The following ADGRF3 variants were observed in gnomAD, a reference collection of about 807,000 sequenced individuals.
ADGRF3 encodes adhesion G protein-coupled receptor F3, also known as G protein-coupled receptor 113.
A neutral mutation model predicts 93.2 loss-of-function variants in ADGRF3; 85 were observed. The ratio of observed to expected loss-of-function variants is 0.91; its 90% CI spans 0.77 to 1.09. ADGRF3 has a LOEUF of 1.09. ADGRF3 is among the 50% of genes least tolerant of loss of function. The probability of loss-of-function intolerance (pLI) is 0.00; values close to 1 mark genes in which losing one functional copy is unlikely to be tolerated. For synonymous variants in ADGRF3, 534 were observed against 532.5 expected (o/e 1.00, Z -0.04); for missense variants, 1,125 against 1,246.2 (o/e 0.90, Z 1.46).
intron 5 of ADGRF3, among the ~76,000 whole-genome samples, chr2:26,315,267 CA>C (rs1674548035): frequency 6.6e-6 from 1 of 152,184 alleles, no homozygotes; most frequent in South Asian, 2.1e-4. Context: ...AGTCCCAGAC[CA>C]CAGTGAAAAC....
At chr2:26,339,736 C>T (rs1452316291) in intron 1 of ADGRF3, among the ~76,000 whole-genome samples, 2 of 152,074 alleles carry the variant, frequency 1.3e-5, no homozygotes, top group Admixed American at 6.6e-5. Flanking sequence ...GTTCCGGGGG[C>T]TAATCTTGAG....
intron 1 of ADGRF3, among the ~76,000 whole-genome samples, chr2:26,336,081 T>A (rs1676017798): frequency 6.6e-6 from 1 of 152,166 alleles, no homozygotes; most frequent in South Asian, 2.1e-4. Flanking sequence ...AATAGATAAT[T>A]TCCTAACATA....
chr2:26,339,361 G>A (rs1325945139), intron 1 of ADGRF3, among the ~76,000 whole-genome samples: 1 of 151,758 alleles, frequency 6.6e-6, no homozygotes, highest in Non-Finnish European at 1.5e-5. Context: ...AGCTGGGCGT[G>A]GTGGCGCATC....
rs1388899723 is a variant in ADGRF3, at chr2:26,341,939, G to A, written c.114+4182C>T. Among the ~76,000 whole-genome samples the A allele has an allele frequency of 2.6e-5, 4 of 152,018 alleles. No individual in the cohort carries two copies. In the East Asian group the frequency reaches 7.7e-4, roughly 29 times the overall value. ...ATACAAAAAATTAGCCGGGCATGGT[G>A]GCAGGTGCCTGTAGTCCCAGCTACT... On this transcript the variant is annotated intron_variant, in intron 1 of 13. Coordinates refer to ENST00000651242, the MANE Select transcript of ADGRF3 (RefSeq NM_001321971.2).
chr2:26,329,656 A>C (rs1675653746), intron 1 of ADGRF3, among the ~76,000 whole-genome samples: 1 of 152,228 alleles, frequency 6.6e-6, no homozygotes, highest in Non-Finnish European at 1.5e-5. Context: ...AAGTCACTAC[A>C]TTTGTAGGTA....
At chr2:26,318,828 T>C (rs894059313) in intron 1 of ADGRF3, 1 of 1,408,182 alleles carries the variant, frequency 7.1e-7, no homozygotes, top group East Asian at 2.5e-5. Flanking sequence ...GCATCCACTT[T>C]CCTTACACAT....
intron 1 of ADGRF3, chr2:26,318,926 T>G (rs1407537561): frequency 1.3e-6 from 2 of 1,551,522 alleles, no homozygotes; most frequent in African/African-American, 2.7e-5. Flanking sequence ...CATTGTCGCC[T>G]CTGCAGACCT....
At chr2:26,309,813 C>G in intron 12 of ADGRF3, 1 of 1,072,936 alleles carries the variant, frequency 9.3e-7, no homozygotes, top group Non-Finnish European at 1.3e-6. Flanking sequence ...AAAAGAGAGT[C>G]AGCAGGAGTC....
rs530708374 is a variant in ADGRF3 at position 26,319,166 on chromosome 2, C to T, written c.115-1604G>A. The T allele has an allele frequency of 3.7e-6, 4 of 1,093,330 alleles. No individual in the cohort carries two copies. The African/African-American group carries it at 6.3e-5, about 17-fold the overall frequency. 67.7% of individuals were successfully genotyped at this position (1,093,330 alleles called of 1,614,324 possible). A position where few individuals can be genotyped will look rare whatever the true frequency, so the allele number is the denominator to read the frequency against. ...GGGGAGGGAGCCAGGGCTGAATTTACAGAGGAAGCGCTACAGCCTGTGACT... is the reference window on the plus strand; with the variant it reads ...GGGGAGGGAGCCAGGGCTGAATTTATAGAGGAAGCGCTACAGCCTGTGACT... On this transcript the variant is annotated intron_variant, in intron 1 of 13. Coordinates refer to ENST00000651242, the MANE Select transcript of ADGRF3 (RefSeq NM_001321971.2).
intron 1 of ADGRF3, chr2:26,318,063 C>G: frequency 1.9e-6 from 3 of 1,551,310 alleles, no homozygotes; most frequent in Non-Finnish European, 2.6e-6. Context: ...CATTGTCTGG[C>G]CCTTGGGCCA....
intron 10 of ADGRF3, 51 bp from the exon 11 acceptor site, chr2:26,310,288 C>G: frequency 2.5e-6 from 4 of 1,588,108 alleles, no homozygotes; most frequent in South Asian, 1.1e-5. Flanking sequence ...GGGATCCACC[C>G]GAATCAACAT....
chr2:26,339,697 C>T (rs1351866772), intron 1 of ADGRF3, among the ~76,000 whole-genome samples: 1 of 152,092 alleles, frequency 6.6e-6, no homozygotes, highest in African/African-American at 2.4e-5. Flanking sequence ...TAACTGCATG[C>T]TAGTATCTAA....
At chr2:26,343,185 T>G (rs1234464968) in intron 1 of ADGRF3, among the ~76,000 whole-genome samples, 1 of 152,138 alleles carries the variant, frequency 6.6e-6, no homozygotes, top group African/African-American at 2.4e-5. Flanking sequence ...ACTATAATCT[T>G]AAGGGACCAC....
chr2:26,311,625 C>T lies in ADGRF3; in HGVS notation c.1899G>A (p.Glu633=). 6.2e-7 allele frequency: 1 copy of T among 1,613,574 alleles called. No individual in the cohort carries two copies. The highest frequency in any genetic ancestry group is 8.5e-7 in the Non-Finnish European group (1 of 1,179,894). ...CTGTGTTCCCAAAGTCCATGATGACCTCTCCCTGGCTGAAGGCCCGGTCAC... is the reference window on the plus strand; with the variant it reads ...CTGTGTTCCCAAAGTCCATGATGACTTCTCCCTGGCTGAAGGCCCGGTCAC... The part of the protein sequence containing the change: ...MAGDRAFSQG[E]VIMDFGNTDG... Residue 633 remains glutamate (E), a synonymous_variant, in exon 10 of 14, where the codon GAG becomes GAA. Coordinates refer to ENST00000651242, the MANE Select transcript of ADGRF3 (RefSeq NM_001321971.2).
chr2:26,341,018 T>C (rs981888817), intron 1 of ADGRF3, among the ~76,000 whole-genome samples: 1 of 152,078 alleles, frequency 6.6e-6, no homozygotes, highest in African/African-American at 2.4e-5. Context: ...GTTTAAACTG[T>C]CTCTAGACTT....
intron 1 of ADGRF3, among the ~76,000 whole-genome samples, chr2:26,318,541 A>G (rs1303903033): frequency 6.6e-6 from 1 of 152,230 alleles, no homozygotes; most frequent in Non-Finnish European, 1.5e-5. Flanking sequence ...ATATAGACAT[A>G]GCCATAGATA....
intron 1 of ADGRF3, among the ~76,000 whole-genome samples, chr2:26,330,844 G>A (rs1296151639): frequency 1.3e-5 from 2 of 152,122 alleles, no homozygotes; most frequent in African/African-American, 4.8e-5. Context: ...CAGTTCGGTG[G>A]TATGTTGAAT....
Position 26,346,257 on chromosome 2 carries a change from C to A in ADGRF3, c.-23G>T, listed in dbSNP as rs759682662. ...CATGGCTGGCTACGAATACGTGAGC[C>A]CGGAGCAGCTGGCTGGCTTTGATAA... On this transcript the variant is annotated 5_prime_UTR_variant, in exon 1 of 14. Coordinates refer to ENST00000651242, the MANE Select transcript of ADGRF3 (RefSeq NM_001321971.2). The A allele has an allele frequency of 6.2e-7, 1 of 1,613,636 alleles. No homozygotes were observed.
intron 1 of ADGRF3, among the ~76,000 whole-genome samples, chr2:26,345,159 G>C (rs1676636872): frequency 6.6e-6 from 1 of 152,140 alleles, no homozygotes; most frequent in Non-Finnish European, 1.5e-5. Context: ...AGGGGATAAT[G>C]CCTTTCACTT....
Sources: gnomAD v4.1 joint callset for allele counts (sites outside exome capture counted in the v4.1 genomes callset) on GRCh38, gnomAD v4.1.1 for gene constraint, MANE v1.5 for transcripts, NCBI Gene and HGNC (gene_info 2026-07-23, HGNC 2026-07-21) for gene names.